SMYD3: variants seen among roughly 807,000 people sequenced by gnomAD.
SMYD3 encodes histone-lysine N-methyltransferase SMYD3.
Under a neutral mutation model 57.7 loss-of-function variants are expected in SMYD3, and 36 were observed. The observed-to-expected ratio is 0.62, with a 90% CI of 0.48 to 0.82. SMYD3 has a LOEUF of 0.82. SMYD3 is among the 40% of genes least tolerant of loss of function. The pLI is 0.00. For missense variants in SMYD3, 515 were observed against 538.8 expected (o/e 0.96, Z 0.44); for synonymous variants, 211 against 195.0 (o/e 1.08, Z -0.68).
chr1:246,363,687 G>C (rs982345135), intron 1 of SMYD3, among the ~76,000 whole-genome samples: 2 of 152,138 alleles, frequency 1.3e-5, no homozygotes, highest in East Asian at 1.9e-4. Flanking sequence ...TAAGGGCTGT[G>C]CAAGATGTGC....
intron 1 of SMYD3, among the ~76,000 whole-genome samples, chr1:246,391,128 A>G (rs982868926): frequency 5.3e-5 from 8 of 151,648 alleles, no homozygotes; most frequent in African/African-American, 1.7e-4. Context: ...GCTCATGTCT[A>G]TAATTTCAAC....
At chr1:246,302,171 T>C (rs1222769929) in intron 5 of SMYD3, among the ~76,000 whole-genome samples, 1 of 152,168 alleles carries the variant, frequency 6.6e-6, no homozygotes, top group Non-Finnish European at 1.5e-5. Flanking sequence ...CTTTTCCTGT[T>C]GAATTTGGAG....
chr1:246,182,332 G>A (rs1436895251), intron 5 of SMYD3, among the ~76,000 whole-genome samples: 1 of 151,684 alleles, frequency 6.6e-6, no homozygotes, highest in Non-Finnish European at 1.5e-5. Flanking sequence ...CCCATCTCTC[G>A]ACTTCTCTAT....
intron 5 of SMYD3, among the ~76,000 whole-genome samples, chr1:246,091,687 G>C (rs2060826515): frequency 6.6e-6 from 1 of 152,166 alleles, no homozygotes. Flanking sequence ...GTGTATGACT[G>C]AAGCTTCACT....
At chr1:246,306,802 C>T (rs371672127) in intron 5 of SMYD3, among the ~76,000 whole-genome samples, 1 of 152,316 alleles carries the variant, frequency 6.6e-6, no homozygotes. Flanking sequence ...TCCTAAATGA[C>T]TTGGCAAAGC....
chr1:246,155,586 A>T (rs2062009572), intron 5 of SMYD3, among the ~76,000 whole-genome samples: 1 of 152,214 alleles, frequency 6.6e-6, no homozygotes, highest in Non-Finnish European at 1.5e-5. Flanking sequence ...TCATTCACTT[A>T]TTGGTTCATC....
chr1:246,047,535 A>T (rs1160882732), intron 5 of SMYD3, among the ~76,000 whole-genome samples: 1 of 152,240 alleles, frequency 6.6e-6, no homozygotes, highest in African/African-American at 2.4e-5. Context: ...TAAATATCTC[A>T]ATCTTAAAAA....
intron 1 of SMYD3, among the ~76,000 whole-genome samples, chr1:246,453,554 T>C (rs1221643054): frequency 2.6e-5 from 4 of 152,156 alleles, no homozygotes; most frequent in Non-Finnish European, 4.4e-5. Flanking sequence ...GAATAAAAAA[T>C]TACAACCCTG....
At chr1:245,937,444 T>G (rs1479709188) in intron 5 of SMYD3, among the ~76,000 whole-genome samples, 1 of 152,244 alleles carries the variant, frequency 6.6e-6, no homozygotes, top group Non-Finnish European at 1.5e-5. Context: ...TTGTCCACTG[T>G]TCCTTCCCTG....
intron 1 of SMYD3, among the ~76,000 whole-genome samples, chr1:246,491,487 C>G (rs2068270057): frequency 6.6e-6 from 1 of 151,234 alleles, no homozygotes; most frequent in Admixed American, 6.6e-5. Flanking sequence ...TGGCAGTGAG[C>G]CGAGATCGCA....
At chr1:246,036,076 A>T (rs74154351) in intron 5 of SMYD3, among the ~76,000 whole-genome samples, 7,732 of 152,296 alleles carry the variant, frequency 0.051, 258 homozygotes, top group African/African-American at 0.081. Context: ...AGTATGTTGA[A>T]GAAAAAAATT....
intron 5 of SMYD3, among the ~76,000 whole-genome samples, chr1:246,103,443 G>T (rs924564814): frequency 7.2e-6 from 1 of 138,358 alleles, no homozygotes; most frequent in Non-Finnish European, 1.6e-5. Flanking sequence ...CATGTAAAAA[G>T]AAAAAAAAAA....
At position 246,326,239 on chromosome 1, in the gene SMYD3, A is replaced by C. The variant is rs2065346325; in HGVS notation, c.531+962T>G. 4 of 448,702 alleles carry C rather than the reference A, an allele frequency of 8.9e-6. No individual in the cohort carries two copies. In the South Asian group the frequency reaches 2.4e-4, roughly 27 times the overall value. The allele number at this position is 448,702 out of a possible 1,614,324, so 27.8% of individuals were successfully genotyped here. A position where few individuals can be genotyped will look rare whatever the true frequency, so the allele number is the denominator to read the frequency against. The stretch of plus-strand genomic sequence containing the variant: ...AATAAGTGGCAAAATTGTCAAAAGT[A>C]AAGTTTTACTTGTTATTAAATTGTG... On this transcript the variant is annotated intron_variant, in intron 5 of 11. Coordinates refer to ENST00000490107, the MANE Select transcript of SMYD3 (RefSeq NM_001167740.2).
intron 5 of SMYD3, among the ~76,000 whole-genome samples, chr1:246,057,630 G>A (rs551516346): frequency 1.6e-3 from 240 of 152,340 alleles, no homozygotes; most frequent in African/African-American, 5.6e-3. Context: ...TGGAATAACA[G>A]GAACTCTCGT....
At chr1:246,253,483 T>C (rs532904703) in intron 5 of SMYD3, among the ~76,000 whole-genome samples, 2 of 152,346 alleles carry the variant, frequency 1.3e-5, no homozygotes, top group South Asian at 4.1e-4. Context: ...TATTCTGTGG[T>C]GTATATGTAC....
chr1:246,023,807 C>CTCTGTGTGTGTG (rs374649828), intron 5 of SMYD3, among the ~76,000 whole-genome samples: 2 of 139,512 alleles, frequency 1.4e-5, no homozygotes, highest in South Asian at 2.6e-4. Context: ...TATTACAAAA[C>CTCTGTGTGTGTG]TGTGTGTGTG....
At position 246,288,062 on chromosome 1, in the gene SMYD3, C is replaced by CTTTTTTTTTTTTTT. The variant is rs67603439; in HGVS notation, c.531+39125_531+39138dup. On this transcript the variant is annotated intron_variant, in intron 5 of 11. Coordinates refer to ENST00000490107, the MANE Select transcript of SMYD3 (RefSeq NM_001167740.2). Reference sequence around the variant, plus strand: ...GTTTTTGAAATGCCATCAGGTAATTCTTTTTTTTTTTTTTTTTTTTTTTTT... The same window carrying CTTTTTTTTTTTTTT: ...GTTTTTGAAATGCCATCAGGTAATTCTTTTTTTTTTTTTTTTTTTTTTTTTTTTTTTTTTTTTTT... Among the ~76,000 whole-genome samples, 17 of 64,206 alleles carry CTTTTTTTTTTTTTT rather than the reference C, an allele frequency of 2.6e-4. 1 individual carries two copies. Among genetic ancestry groups the CTTTTTTTTTTTTTT allele is most frequent in the Non-Finnish European group, 3.3e-4 (12 of 35,964 alleles). 42.1% of individuals were successfully genotyped at this position (64,206 alleles called of 152,430 possible).
chr1:245,825,293 C>T (rs193161501), intron 10 of SMYD3, among the ~76,000 whole-genome samples: 1 of 152,326 alleles, frequency 6.6e-6, no homozygotes, highest in Admixed American at 6.5e-5. Flanking sequence ...CGGCTCCCAA[C>T]AAGCTCCTCT....
chr1:246,417,943 G>T (rs1316022428), intron 1 of SMYD3, among the ~76,000 whole-genome samples: 1 of 152,186 alleles, frequency 6.6e-6, no homozygotes, highest in Non-Finnish European at 1.5e-5. Flanking sequence ...ACCCAGGAAT[G>T]AGCAGATAGT....
Sources: allele counts gnomAD v4.1 joint callset (sites outside exome capture counted in the v4.1 genomes callset), GRCh38; gene constraint gnomAD v4.1.1; transcripts MANE v1.5; gene names NCBI Gene and HGNC (gene_info 2026-07-23, HGNC 2026-07-21).